The following ADGRL3 variants were observed in gnomAD, a reference collection of about 807,000 sequenced individuals.
ADGRL3 encodes adhesion G protein-coupled receptor L3, also known as calcium-independent alpha-latrotoxin receptor 3.
Under a neutral mutation model 153.5 loss-of-function variants are expected in ADGRL3, and 62 were observed. That is an observed-to-expected ratio of 0.40 (90% confidence interval 0.33 to 0.50). The LOEUF (loss-of-function observed/expected upper bound fraction) is 0.50, where lower values mean the gene tolerates loss of function less well. Among genes scored for constraint, ADGRL3 ranks in the 20% least tolerant of loss-of-function variants. The probability of loss-of-function intolerance (pLI) is 0.47; values close to 1 mark genes in which losing one functional copy is unlikely to be tolerated. For missense variants in ADGRL3, 1,641 were observed against 1,859.4 expected, an observed-to-expected ratio of 0.88 and a Z score of 2.16; for synonymous variants, 710 against 672.5, an observed-to-expected ratio of 1.06 and a Z score of -0.86.
intron 8 of ADGRL3, among the ~76,000 whole-genome samples, chr4:61,750,680 C>T (rs1228515643): frequency 6.6e-6 from 1 of 150,772 alleles, no homozygotes; most frequent in Non-Finnish European, 1.5e-5. Flanking sequence ...GTCCCAGCTA[C>T]TTGGGAGGCT....
At chr4:61,882,474 A>T (rs1300196356) in intron 9 of ADGRL3, among the ~76,000 whole-genome samples, 1 of 152,148 alleles carries the variant, frequency 6.6e-6, no homozygotes, top group Non-Finnish European at 1.5e-5. Flanking sequence ...TCTTCAACAC[A>T]ACAACTCAAG....
At chr4:61,223,874 A>C (rs1017346948) in intron 1 of ADGRL3, among the ~76,000 whole-genome samples, 3 of 151,920 alleles carry the variant, frequency 2.0e-5, no homozygotes, top group Non-Finnish European at 4.4e-5. Flanking sequence ...CAAATATAAC[A>C]CTCTGAATTA....
At chr4:61,342,570 A>G (rs534128379) in intron 1 of ADGRL3, among the ~76,000 whole-genome samples, 1 of 151,776 alleles carries the variant, frequency 6.6e-6, no homozygotes, top group Non-Finnish European at 1.5e-5. Flanking sequence ...TACCTCTTTC[A>G]TATTTATCCT....
chr4:61,730,565 G>T, intron 6 of ADGRL3, 57 bp from the exon 7 acceptor site: 1 of 417,318 alleles, frequency 2.4e-6, no homozygotes, highest in Non-Finnish European at 4.5e-6. Context: ...GGCCAATACC[G>T]TACCATTAAT....
rs1404786690 is a variant in ADGRL3, at chr4:62,076,808, T to C, written c.*5900T>C. 6.6e-6 allele frequency: 1 copy of C among 151,888 alleles called. No homozygotes were observed. Among genetic ancestry groups the C allele is most frequent in the African/African-American group, 2.4e-5 (1 of 41,446 alleles). The allele number at this position is 151,888 out of a possible 1,614,324, so 9.4% of individuals were successfully genotyped here. On this transcript the variant is annotated 3_prime_UTR_variant, in exon 27 of 27. Coordinates refer to ENST00000683033, the MANE Select transcript of ADGRL3 (RefSeq NM_001387552.1). ...TCTTCACTCTCTAATCTGCTGGCTC[T>C]ATTGAACACCAACAGAGTTAATGCT...
At chr4:61,904,146 G>T (rs868699375) in intron 11 of ADGRL3, among the ~76,000 whole-genome samples, 4 of 144,080 alleles carry the variant, frequency 2.8e-5, no homozygotes, top group South Asian at 2.2e-4. Context: ...GAGTTCCCAG[G>T]CTCTTTTGAA....
At chr4:61,400,642 A>C (rs778596967) in intron 2 of ADGRL3, among the ~76,000 whole-genome samples, 1 of 151,794 alleles carries the variant, frequency 6.6e-6, no homozygotes, top group Admixed American at 6.6e-5. Context: ...GGGGAAAACT[A>C]TCAATGTTAC....
intron 9 of ADGRL3, among the ~76,000 whole-genome samples, chr4:61,824,245 G>A (rs1326659986): frequency 6.6e-6 from 1 of 151,988 alleles, no homozygotes; most frequent in Non-Finnish European, 1.5e-5. Context: ...ATAATTTTTT[G>A]TGTGCTTGTT....
chr4:61,364,914 G>T (rs571878527), intron 1 of ADGRL3, among the ~76,000 whole-genome samples: 13 of 152,216 alleles, frequency 8.5e-5, no homozygotes, highest in Non-Finnish European at 1.5e-4. Context: ...TAATAGATAC[G>T]ATAAATAATA....
chr4:61,259,351 AG>A lies in ADGRL3; in HGVS notation c.-240+57588del, dbSNP rs531303130. 3.4e-3 allele frequency among the ~76,000 whole-genome samples: 514 copies of A among 152,150 alleles called. 3 individuals are homozygous for A. Among genetic ancestry groups the A allele is most frequent in the African/African-American group, 0.011 (475 of 41,504 alleles). On this transcript the variant is annotated intron_variant, in intron 1 of 26. Coordinates refer to ENST00000683033, the MANE Select transcript of ADGRL3 (RefSeq NM_001387552.1). Reference sequence around the variant, plus strand: ...GGCAGGAGAATGGCGTGAACCCGGGAGGCGGAGTTTGCAGTGAGCCGAGATT... The same window carrying A: ...GGCAGGAGAATGGCGTGAACCCGGGAGCGGAGTTTGCAGTGAGCCGAGATT...
intron 5 of ADGRL3, 34 bp downstream of exon 5, chr4:61,587,474 C>T (rs1241665067): frequency 1.4e-6 from 2 of 1,437,844 alleles, no homozygotes; most frequent in East Asian, 4.6e-5. Flanking sequence ...TCTTTGTGCA[C>T]AATATAAACC....
intron 8 of ADGRL3, among the ~76,000 whole-genome samples, chr4:61,768,013 C>T (rs897403065): frequency 3.9e-5 from 6 of 152,068 alleles, no homozygotes; most frequent in African/African-American, 1.2e-4. Flanking sequence ...GAGAATAAGA[C>T]GGCCTTTTGA....
Position 61,386,045 on chromosome 4 carries a change from T to G in ADGRL3, c.-174+2856T>G, listed in dbSNP as rs1254186748. ...CAACTGGGATTTTGATGGTGGTGGT[T>G]GTTTGAAAGGGTATTTTACTGTACT... On this transcript the variant is annotated intron_variant, in intron 2 of 26. Coordinates refer to ENST00000683033, the MANE Select transcript of ADGRL3 (RefSeq NM_001387552.1). Among the ~76,000 whole-genome samples the G allele has an allele frequency of 3.9e-5, 6 of 152,260 alleles. No individual in the cohort carries two copies. In the South Asian group the frequency reaches 8.3e-4, roughly 21 times the overall value.
chr4:61,557,504 C>G (rs2098772670), intron 4 of ADGRL3, among the ~76,000 whole-genome samples: 1 of 152,268 alleles, frequency 6.6e-6, no homozygotes, highest in South Asian at 2.1e-4. Flanking sequence ...CATTTATTAT[C>G]AATGTGTACC....
intron 1 of ADGRL3, among the ~76,000 whole-genome samples, chr4:61,284,160 A>G (rs1184861605): frequency 6.6e-6 from 1 of 152,006 alleles, no homozygotes; most frequent in African/African-American, 2.4e-5. Context: ...GATACCTTAC[A>G]AACAACTGCC....
At chr4:61,529,992 T>C (rs926290416) in intron 4 of ADGRL3, among the ~76,000 whole-genome samples, 25 of 152,184 alleles carry the variant, frequency 1.6e-4, no homozygotes, top group Non-Finnish European at 5.9e-5. Context: ...TTGTATTCCT[T>C]ATCTGTACAT....
At chr4:61,339,561 AT>A (rs1392460407) in intron 1 of ADGRL3, among the ~76,000 whole-genome samples, 3 of 152,222 alleles carry the variant, frequency 2.0e-5, no homozygotes, top group Non-Finnish European at 4.4e-5. Context: ...GGTTGAGTTC[AT>A]TGCCATCAAA....
At chr4:61,216,115 A>G (rs1277629961) in intron 1 of ADGRL3, among the ~76,000 whole-genome samples, 5 of 152,084 alleles carry the variant, frequency 3.3e-5, no homozygotes, top group African/African-American at 4.8e-5. Flanking sequence ...AAGAATTTTT[A>G]CGTTTCTTCC....
At chr4:61,207,066 A>G (rs1284755960) in intron 1 of ADGRL3, among the ~76,000 whole-genome samples, 1 of 151,882 alleles carries the variant, frequency 6.6e-6, no homozygotes, top group Non-Finnish European at 1.5e-5. Context: ...TATTATTATT[A>G]TACTTTTAAA....
Sources: allele counts gnomAD v4.1 joint callset (sites outside exome capture counted in the v4.1 genomes callset), GRCh38; gene constraint gnomAD v4.1.1; transcripts MANE v1.5; gene names NCBI Gene and HGNC (gene_info 2026-07-23, HGNC 2026-07-21).